Variants in NEGR1 observed in about 807,000 individuals in gnomAD.
NEGR1 encodes neuronal growth regulator 1, also known as IgLON family member 4.
In NEGR1, 10 loss-of-function variants were observed where a neutral mutation model predicts 40.9. That is an observed-to-expected ratio of 0.24 (90% CI 0.15 to 0.42). The LOEUF is 0.42. Ranked by LOEUF, NEGR1 falls within the 10% of genes least tolerant of loss-of-function variation. The pLI is 1.00. For missense variants in NEGR1, 352 were observed against 438.9 expected, an observed-to-expected ratio of 0.80 and a Z score of 1.77; for synonymous variants, 185 against 166.8, an observed-to-expected ratio of 1.11 and a Z score of -0.84.
Position 71,845,923 on chromosome 1 carries a change from CTTTT to C in NEGR1, c.410-69630_410-69627del, listed in dbSNP as rs368324879. On this transcript the variant is annotated intron_variant, in intron 2 of 6. Coordinates refer to ENST00000357731, the MANE Select transcript of NEGR1 (RefSeq NM_173808.3). ...TACAAGGGCATGCCACGGCACCTGG[CTTTT>C]TTTTTTTTTTTTTTTTTAAGAGATG... 2.6e-4 allele frequency among the ~76,000 whole-genome samples: 29 copies of C among 110,694 alleles called. No homozygotes were observed. The Admixed American group carries it at 2.8e-3, about 11-fold the overall frequency. 72.6% of individuals were successfully genotyped at this position (110,694 alleles called of 152,430 possible).
At chr1:72,215,178 C>T (rs527830340) in intron 1 of NEGR1, among the ~76,000 whole-genome samples, 2 of 152,078 alleles carry the variant, frequency 1.3e-5, no homozygotes, top group South Asian at 4.1e-4. Context: ...AAAATAGAAA[C>T]TGGACCCCTT....
At chr1:72,021,076 T>C (rs969802265) in intron 1 of NEGR1, among the ~76,000 whole-genome samples, 3 of 152,154 alleles carry the variant, frequency 2.0e-5, no homozygotes, top group African/African-American at 7.2e-5. Flanking sequence ...ACAAATTTCA[T>C]AATGACCACA....
At chr1:72,145,317 G>T (rs1211210974) in intron 1 of NEGR1, among the ~76,000 whole-genome samples, 1 of 152,092 alleles carries the variant, frequency 6.6e-6, no homozygotes, top group Non-Finnish European at 1.5e-5. Context: ...CTTCATTAAA[G>T]TATTCCCATG....
At chr1:71,466,750 G>A (rs1646748724) in intron 6 of NEGR1, among the ~76,000 whole-genome samples, 1 of 152,060 alleles carries the variant, frequency 6.6e-6, no homozygotes, top group African/African-American at 2.4e-5. Context: ...GAGTAAGCAA[G>A]GGTTTTGAAA....
chr1:71,758,178 A>T (rs550969426), intron 3 of NEGR1, among the ~76,000 whole-genome samples: 113 of 152,228 alleles, frequency 7.4e-4, no homozygotes, highest in Non-Finnish European at 1.3e-3. Flanking sequence ...TTTAAGCTCT[A>T]TATAATATTG....
chr1:71,994,493 A>C (rs1646485368), intron 1 of NEGR1, among the ~76,000 whole-genome samples: 1 of 150,300 alleles, frequency 6.7e-6, no homozygotes, highest in South Asian at 2.1e-4. Flanking sequence ...GCACTACCGC[A>C]CTCCAGCCTG....
chr1:72,260,313 G>C (rs544234280), intron 1 of NEGR1, among the ~76,000 whole-genome samples: 2 of 152,062 alleles, frequency 1.3e-5, no homozygotes, highest in South Asian at 4.2e-4. Context: ...ATTCTCTATT[G>C]ATAAGCCCAA....
At chr1:72,205,658 T>C (rs1653367516) in intron 1 of NEGR1, among the ~76,000 whole-genome samples, 1 of 139,524 alleles carries the variant, frequency 7.2e-6, no homozygotes, top group Non-Finnish European at 1.5e-5. Context: ...GGCTCATGCC[T>C]ATAATCCTAG....
chr1:72,259,783 C>G (rs1655396406), intron 1 of NEGR1, among the ~76,000 whole-genome samples: 1 of 152,012 alleles, frequency 6.6e-6, no homozygotes. Flanking sequence ...TGTTCTTTGA[C>G]AATAATGAGG....
At chr1:72,232,604 T>C (rs1340841613) in intron 1 of NEGR1, among the ~76,000 whole-genome samples, 1 of 152,162 alleles carries the variant, frequency 6.6e-6, no homozygotes, top group African/African-American at 2.4e-5. Context: ...AAGCAATATT[T>C]TTTTTCTTTT....
intron 6 of NEGR1, among the ~76,000 whole-genome samples, chr1:71,462,684 T>G (rs1646721813): frequency 6.6e-6 from 1 of 152,126 alleles, no homozygotes; most frequent in Admixed American, 6.5e-5. Context: ...TAAGAGAATA[T>G]AAAGGCCACT....
chr1:72,147,296 C>G (rs1650946309), intron 1 of NEGR1, among the ~76,000 whole-genome samples: 1 of 152,142 alleles, frequency 6.6e-6, no homozygotes, highest in East Asian at 1.9e-4. Context: ...TCATGGCAGG[C>G]AGTGAAAGGC....
chr1:71,973,118 C>G (rs1347012794), intron 1 of NEGR1, among the ~76,000 whole-genome samples: 1 of 151,588 alleles, frequency 6.6e-6, no homozygotes, highest in East Asian at 1.9e-4. Flanking sequence ...TAATAGAGAC[C>G]ATCCTGGCTA....
At chr1:71,982,547 A>G (rs1646362711) in intron 1 of NEGR1, among the ~76,000 whole-genome samples, 1 of 152,160 alleles carries the variant, frequency 6.6e-6, no homozygotes, top group Non-Finnish European at 1.5e-5. Flanking sequence ...AATTGCTTAG[A>G]GTTACTGGCT....
intron 1 of NEGR1, among the ~76,000 whole-genome samples, chr1:72,100,434 TTTG>T (rs1648890593): frequency 1.3e-5 from 2 of 152,168 alleles, no homozygotes; most frequent in African/African-American, 4.8e-5. Context: ...AGCAAAAGAC[TTTG>T]TTAACAATGT....
At chr1:72,123,023 C>T (rs1649863278) in intron 1 of NEGR1, among the ~76,000 whole-genome samples, 1 of 151,784 alleles carries the variant, frequency 6.6e-6, no homozygotes. Context: ...AATATTTGTT[C>T]ATTGTTTTCC....
At chr1:71,655,705 C>T (rs1042326047) in intron 4 of NEGR1, among the ~76,000 whole-genome samples, 1 of 152,216 alleles carries the variant, frequency 6.6e-6, no homozygotes, top group Admixed American at 6.5e-5. Flanking sequence ...ACAAGACAGA[C>T]CTGTCCTTGT....
chr1:71,657,791 T>C (rs1651923738), intron 4 of NEGR1, among the ~76,000 whole-genome samples: 1 of 152,200 alleles, frequency 6.6e-6, no homozygotes, highest in African/African-American at 2.4e-5. Context: ...CAACAAACTA[T>C]TTGCAATACT....
chr1:71,970,776 C>A (rs1171483167), intron 1 of NEGR1, among the ~76,000 whole-genome samples: 2 of 152,110 alleles, frequency 1.3e-5, no homozygotes. Flanking sequence ...AGAACATATA[C>A]TCAGAGGGTT....
Sources: gnomAD v4.1 joint callset for allele counts (sites outside exome capture counted in the v4.1 genomes callset) on GRCh38, gnomAD v4.1.1 for gene constraint, MANE v1.5 for transcripts, NCBI Gene and HGNC (gene_info 2026-07-23, HGNC 2026-07-21) for gene names.